TDRD9: variants seen among roughly 807,000 people sequenced by gnomAD.
TDRD9 encodes tudor domain containing 9, also known as ATP-dependent RNA helicase TDRD9.
In TDRD9, 124 loss-of-function variants were observed where a neutral mutation model predicts 172.6. The observed-to-expected ratio is 0.72, with a 90% CI of 0.62 to 0.83. The LOEUF (loss-of-function observed/expected upper bound fraction) is 0.83. TDRD9 is among the 40% of genes least tolerant of loss of function. TDRD9 has a pLI of 0.00. For synonymous variants in TDRD9, 619 were observed against 617.1 expected (o/e 1.00, Z -0.05); for missense variants, 1,479 against 1,714.1 (o/e 0.86, Z 2.42).
chr14:103,979,306 A>G (rs778151047), intron 7 of TDRD9, among the ~76,000 whole-genome samples: 34 of 152,114 alleles, frequency 2.2e-4, no homozygotes, highest in Non-Finnish European at 4.6e-4. Flanking sequence ...GGTTGATTCC[A>G]TATCTTGGCT....
At chr14:104,014,496 G>T (rs2034722908) in intron 20 of TDRD9, among the ~76,000 whole-genome samples, 2 of 151,964 alleles carry the variant, frequency 1.3e-5, no homozygotes, top group South Asian at 4.2e-4. Flanking sequence ...GCCCGGGCTG[G>T]TTTCAAACTC....
chr14:103,973,672 T>C (rs2152163009), intron 6 of TDRD9, among the ~76,000 whole-genome samples: 1 of 152,350 alleles, frequency 6.6e-6, no homozygotes, highest in Admixed American at 6.5e-5. Flanking sequence ...TGCAGTTCAC[T>C]GGCCTCGTCG....
chr14:103,995,234 T>C (rs2034016176), intron 11 of TDRD9, among the ~76,000 whole-genome samples: 1 of 152,230 alleles, frequency 6.6e-6, no homozygotes, highest in Non-Finnish European at 1.5e-5. Context: ...TAGGTCCTGC[T>C]TCAGGAGGAT....
chr14:104,031,344 CATG>C, intron 29 of TDRD9, 81 bp downstream of exon 29: 3 of 1,278,500 alleles, frequency 2.3e-6, no homozygotes, highest in Non-Finnish European at 3.2e-6. Flanking sequence ...AGTCAGTAGT[CATG>C]GTGGTTTTTT....
At chr14:103,966,176 CA>C (rs1277267399) in intron 4 of TDRD9, among the ~76,000 whole-genome samples, 1 of 151,896 alleles carries the variant, frequency 6.6e-6, no homozygotes, top group Admixed American at 6.6e-5. Flanking sequence ...ACTAAAAATA[CA>C]AAAATTAGCC....
At chr14:103,967,828 G>C (rs1328202653) in intron 5 of TDRD9, among the ~76,000 whole-genome samples, 1 of 152,168 alleles carries the variant, frequency 6.6e-6, no homozygotes, top group African/African-American at 2.4e-5. Flanking sequence ...ATAGTAGGTA[G>C]AGACAAATTC....
At chr14:104,023,254 T>G (rs540472973) in intron 24 of TDRD9, among the ~76,000 whole-genome samples, 7 of 148,890 alleles carry the variant, frequency 4.7e-5, no homozygotes, top group African/African-American at 1.7e-4. Context: ...GATTGAGTGA[T>G]ATCATTGATG....
In TDRD9 at chr14:103,975,449, G is replaced by C. The variant is rs147103471; in HGVS notation, c.907G>C (p.Val303Leu). The change falls in exon 7 of 36, where the codon GTT becomes CTT. Residue 303 changes from valine to leucine, a missense_variant. Val to Leu is a conservative substitution (Grantham distance 32). This residue lies in a region of TDRD9 where 1,413 missense variants were observed against 1,649.1 expected (regional missense o/e 0.86). Transcript: ENST00000409874. ...KEFADYFAVP[V>L]QNKMNPAYIF... Reference sequence around the variant, plus strand: ...GTTTGCAGACTACTTTGCTGTTCCTGTTCAAAACAAGATGAATCCTGCATA... The same window carrying C: ...GTTTGCAGACTACTTTGCTGTTCCTCTTCAAAACAAGATGAATCCTGCATA... The C allele has an allele frequency of 1.8e-3, 2,850 of 1,613,864 alleles. 13 individuals carry two copies. Among genetic ancestry groups the C allele is most frequent in the Non-Finnish European group, 1.5e-3 (1,782 of 1,179,840 alleles).
chr14:103,962,756 T>C (rs968492754), intron 2 of TDRD9, among the ~76,000 whole-genome samples: 3 of 152,202 alleles, frequency 2.0e-5, no homozygotes, highest in East Asian at 3.8e-4. Context: ...TCTGTGTTAA[T>C]TTGCTTAGAT....
rs1222239831 is a variant in TDRD9 at position 103,986,220 on chromosome 14, T to C, written c.1015T>C (p.Ser339Pro). The C allele has an allele frequency of 1.9e-6, 3 of 1,611,560 alleles. No homozygotes were observed. Among genetic ancestry groups the C allele is most frequent in the Admixed American group, 3.4e-5 (2 of 59,416 alleles). Residue 339 changes from serine to proline, a missense_variant, in exon 8 of 36, where the codon TCT becomes CCT. Ser to Pro is a moderately conservative substitution (Grantham distance 74). Coordinates refer to ENST00000409874, the MANE Select transcript of TDRD9 (RefSeq NM_153046.3). ...TTTTTTCTTTCACTGTTTTTAGCTC[T>C]CTCCTCATCTCCTGGAGGAACCGGT... ...DLEHIHHSKL[S>P]PHLLEEPVIT... is the part of the protein sequence containing the mutation.
intron 2 of TDRD9, among the ~76,000 whole-genome samples, chr14:103,959,789 T>A (rs2032424328): frequency 6.6e-6 from 1 of 152,204 alleles, no homozygotes; most frequent in African/African-American, 2.4e-5. Context: ...AATCATTTTT[T>A]AAAAACTGAG....
rs760622586 is a variant in TDRD9, at chr14:104,006,433, C to G, written c.1758C>G (p.Pro586=). 3 of 1,613,892 alleles carry G rather than the reference C, an allele frequency of 1.9e-6. No homozygotes were observed. Among genetic ancestry groups the G allele is most frequent in the East Asian group, 4.5e-5 (2 of 44,866 alleles). Residue 586 remains proline, a synonymous_variant, in exon 16 of 36, where the codon CCC becomes CCG. Coordinates refer to ENST00000409874, the MANE Select transcript of TDRD9 (RefSeq NM_153046.3). ...GTGGGCAGAGAGAAGATGAAAACCC[C>G]CATGATGGTGAATTGACCTTCTTAG... ...AVSGQREDEN[P]HDGELTFLGR... is the part of the protein sequence containing the mutation.
At chr14:103,995,923 C>A in intron 12 of TDRD9, 116 bp downstream of exon 12, 2 of 944,414 alleles carry the variant, frequency 2.1e-6, no homozygotes, top group Non-Finnish European at 3.1e-6. Context: ...CGTTTTGGAA[C>A]ACAGAATTGA....
chr14:103,983,584 A>G (rs1373791690), intron 7 of TDRD9, among the ~76,000 whole-genome samples: 1 of 152,188 alleles, frequency 6.6e-6, no homozygotes, highest in Non-Finnish European at 1.5e-5. Flanking sequence ...AAAACCCAGT[A>G]TCGCTATAAA....
chr14:103,991,274 G>A (rs1245957791), intron 9 of TDRD9, 50 bp downstream of exon 9: 4 of 1,592,286 alleles, frequency 2.5e-6, no homozygotes, highest in Non-Finnish European at 2.6e-6. Context: ...TCTGGAGAGA[G>A]GCTAAGTTTG....
At chr14:103,944,693 G>A (rs956286193) in intron 1 of TDRD9, among the ~76,000 whole-genome samples, 1 of 151,398 alleles carries the variant, frequency 6.6e-6, no homozygotes, top group African/African-American at 2.4e-5. Flanking sequence ...AGCCTCCCTC[G>A]TAGCTGGGAT....
At chr14:103,959,795 C>G (rs2032424584) in intron 2 of TDRD9, among the ~76,000 whole-genome samples, 1 of 152,108 alleles carries the variant, frequency 6.6e-6, no homozygotes, top group African/African-American at 2.4e-5. Flanking sequence ...TTTTTAAAAA[C>G]TGAGATTTAT....
chr14:103,965,025 C>T (rs770154892), intron 3 of TDRD9, among the ~76,000 whole-genome samples: 2 of 151,906 alleles, frequency 1.3e-5, no homozygotes, highest in African/African-American at 2.4e-5. Flanking sequence ...CTGGCCAACA[C>T]GGTGAAAGAA....
At chr14:103,973,583 G>A (rs1045171095) in intron 6 of TDRD9, among the ~76,000 whole-genome samples, 2 of 152,250 alleles carry the variant, frequency 1.3e-5, no homozygotes, top group African/African-American at 2.4e-5. Flanking sequence ...GGATGAGGGA[G>A]GCTGGTGGCC....
Sources: gnomAD v4.1 joint callset for allele counts (sites outside exome capture counted in the v4.1 genomes callset) on GRCh38, gnomAD v4.1.1 for gene constraint, gnomAD v4.1.1 regional missense constraint, MANE v1.5 for transcripts, NCBI Gene and HGNC (gene_info 2026-07-23, HGNC 2026-07-21) for gene names.